Variants in MSRA observed in about 807,000 individuals in gnomAD.
MSRA encodes methionine sulfoxide reductase A, also known as mitochondrial peptide methionine sulfoxide reductase.
MSRA carries 54 observed loss-of-function variants against 31.3 expected under a neutral mutation model. The ratio of observed to expected loss-of-function variants is 1.73; its 90% confidence interval spans 1.39 to 2.17. The LOEUF is 2.17. Among genes scored for constraint, MSRA ranks in the 30% most tolerant of loss-of-function variants. MSRA has a pLI of 0.00. For synonymous variants in MSRA, 169 were observed against 116.5 expected (o/e 1.45, Z -2.90); for missense variants, 507 against 300.9 (o/e 1.69, Z -5.07).
At chr8:10,345,628 T>C (rs980697429) in intron 5 of MSRA, among the ~76,000 whole-genome samples, 2 of 152,256 alleles carry the variant, frequency 1.3e-5, no homozygotes, top group Non-Finnish European at 2.9e-5. Flanking sequence ...AGAATTCTAA[T>C]GTATTTTCCA....
chr8:10,389,342 AG>A (rs1241338360), intron 5 of MSRA, among the ~76,000 whole-genome samples: 1 of 152,226 alleles, frequency 6.6e-6, no homozygotes, highest in Non-Finnish European at 1.5e-5. Context: ...CATGGTGAGA[AG>A]CTTTGATAAA....
In MSRA at chr8:10,163,470, G is replaced by A. The variant is rs761965721; in HGVS notation, c.143-44363G>A. 4.6e-5 allele frequency among the ~76,000 whole-genome samples: 7 copies of A among 152,324 alleles called. No homozygotes were observed. In the East Asian group the frequency reaches 5.8e-4, roughly 13 times the overall value. ...GCTGCTTGGCCCGTTTCATCTGCCC[G>A]GAGGCCGTTCCTCACTGACATCAGC... On this transcript the variant is annotated intron_variant, in intron 1 of 5. Transcript: ENST00000317173.
chr8:10,281,314 T>C (rs2952228), intron 3 of MSRA, among the ~76,000 whole-genome samples: 113,346 of 152,158 alleles, frequency 0.74, 42,311 homozygotes, highest in Admixed American at 0.82. Context: ...TCCTGGACTT[T>C]TCCCCATCGT....
intron 5 of MSRA, among the ~76,000 whole-genome samples, chr8:10,413,978 A>G (rs1026580529): frequency 6.6e-6 from 1 of 152,166 alleles, no homozygotes; most frequent in African/African-American, 2.4e-5. Context: ...AGACCCAGGC[A>G]ACATAGCGAG....
At chr8:10,376,028 C>G (rs576446330) in intron 5 of MSRA, among the ~76,000 whole-genome samples, 1 of 152,262 alleles carries the variant, frequency 6.6e-6, no homozygotes, top group South Asian at 2.1e-4. Context: ...TCAGGACTTT[C>G]CTCTGAAGGG....
chr8:10,265,330 T>A (rs547391397), intron 3 of MSRA, among the ~76,000 whole-genome samples: 1 of 152,050 alleles, frequency 6.6e-6, no homozygotes, highest in East Asian at 1.9e-4. Flanking sequence ...TGGGGGGAGA[T>A]TGAGGTAGGA....
At position 10,428,560 on chromosome 8, in the gene MSRA, G is replaced by A. The variant is rs1034857034; in HGVS notation, c.*248G>A. 8.8e-6 allele frequency: 4 copies of A among 452,408 alleles called. No individual in the cohort carries two copies. The highest frequency in any genetic ancestry group is 1.6e-5 in the Non-Finnish European group (4 of 252,114). 28.0% of individuals were successfully genotyped at this position (452,408 alleles called of 1,614,324 possible). On this transcript the variant is annotated 3_prime_UTR_variant, in exon 6 of 6. Coordinates refer to ENST00000317173, the MANE Select transcript of MSRA (RefSeq NM_012331.5). ...TTCCTGTGTCTTCTGGGGTCTGAGT[G>A]AAGATAGCAGGGATGCTGTGTTCAC...
intron 1 of MSRA, among the ~76,000 whole-genome samples, chr8:10,060,513 G>A (rs6986375): frequency 0.059 from 8,967 of 152,134 alleles, 838 homozygotes; most frequent in African/African-American, 0.2. Context: ...ATGCTTTTTT[G>A]TAACTTGCTT....
chr8:10,235,700 G>T (rs960718203), intron 2 of MSRA, among the ~76,000 whole-genome samples: 1 of 152,104 alleles, frequency 6.6e-6, no homozygotes, highest in Non-Finnish European at 1.5e-5. Context: ...TCTCTCCAAA[G>T]TCCAGGTGCT....
intron 1 of MSRA, among the ~76,000 whole-genome samples, chr8:10,084,432 T>C (rs566405840): frequency 6.6e-6 from 1 of 152,382 alleles, no homozygotes; most frequent in African/African-American, 2.4e-5. Context: ...CTTCTTCTTT[T>C]AGTTCATCAA....
chr8:10,195,060 A>C (rs1757970409), intron 1 of MSRA, among the ~76,000 whole-genome samples: 2 of 152,192 alleles, frequency 1.3e-5, no homozygotes, highest in South Asian at 4.1e-4. Context: ...ATCTGTAACT[A>C]TAGTTACCCT....
chr8:10,281,349 G>C (rs1799612509), intron 3 of MSRA, among the ~76,000 whole-genome samples: 1 of 152,180 alleles, frequency 6.6e-6, no homozygotes, highest in Non-Finnish European at 1.5e-5. Flanking sequence ...AACAAAGTTT[G>C]GATTATTTAT....
intron 5 of MSRA, among the ~76,000 whole-genome samples, chr8:10,417,207 G>C (rs1278383334): frequency 6.6e-6 from 1 of 152,166 alleles, no homozygotes; most frequent in East Asian, 1.9e-4. Flanking sequence ...GGGAGGGTCA[G>C]TGAGCTCCGA....
intron 5 of MSRA, among the ~76,000 whole-genome samples, chr8:10,425,366 A>T (rs59927802): frequency 0.015 from 2,313 of 152,250 alleles, 48 homozygotes; most frequent in African/African-American, 0.053. Context: ...TGAGGCTGGT[A>T]CTGCCGAGGC....
At chr8:10,358,197 G>A (rs1020469754) in intron 5 of MSRA, among the ~76,000 whole-genome samples, 2 of 152,164 alleles carry the variant, frequency 1.3e-5, no homozygotes, top group African/African-American at 4.8e-5. Context: ...CCAAAGTGCT[G>A]GGATTGCAGG....
intron 1 of MSRA, among the ~76,000 whole-genome samples, chr8:10,194,080 G>A (rs1466158818): frequency 6.6e-6 from 1 of 152,172 alleles, no homozygotes; most frequent in Admixed American, 6.5e-5. Context: ...GAAGAGGGAT[G>A]GAGCAATAAT....
chr8:10,281,337 A>G (rs1012131891), intron 3 of MSRA, among the ~76,000 whole-genome samples: 1 of 152,238 alleles, frequency 6.6e-6, no homozygotes, highest in Non-Finnish European at 1.5e-5. Flanking sequence ...GAAATGTCGA[A>G]TAACAAAGTT....
At chr8:10,225,827 T>C (rs1242053966) in intron 2 of MSRA, among the ~76,000 whole-genome samples, 1 of 152,156 alleles carries the variant, frequency 6.6e-6, no homozygotes, top group African/African-American at 2.4e-5. Context: ...TTACTGACCA[T>C]CTACCGGGTG....
intron 2 of MSRA, among the ~76,000 whole-genome samples, chr8:10,227,446 A>G (rs997403172): frequency 6.6e-6 from 1 of 152,186 alleles, no homozygotes; most frequent in Non-Finnish European, 1.5e-5. Flanking sequence ...TTGCTGTAAT[A>G]TGAAAGGGGT....
Sources: allele counts gnomAD v4.1 joint callset (sites outside exome capture counted in the v4.1 genomes callset), GRCh38; gene constraint gnomAD v4.1.1; transcripts MANE v1.5; gene names NCBI Gene and HGNC (gene_info 2026-07-23, HGNC 2026-07-21).